TBC1D1: variants seen among roughly 807,000 people sequenced by gnomAD.
TBC1D1 encodes the protein TBC1 domain family member 1, also known as TBC1 (tre-2/USP6, BUB2, cdc16) domain family, member 1.
Under a neutral mutation model 125.6 loss-of-function variants are expected in TBC1D1, and 89 were observed. The ratio of observed to expected loss-of-function variants is 0.71; its 90% CI spans 0.60 to 0.85. The LOEUF is 0.85. Ranked by LOEUF, TBC1D1 falls within the 40% of genes least tolerant of loss-of-function variation. The pLI, the probability that TBC1D1 is intolerant of heterozygous loss-of-function variation, is 0.00. For synonymous variants in TBC1D1, 565 were observed against 564.1 expected (o/e 1.00, Z -0.02); for missense variants, 1,377 against 1,469.2 (o/e 0.94, Z 1.03).
At chr4:37,969,943 T>C (rs1468887530) in intron 2 of TBC1D1, among the ~76,000 whole-genome samples, 4 of 152,314 alleles carry the variant, frequency 2.6e-5, no homozygotes, top group Non-Finnish European at 5.9e-5. Context: ...ACTAGTCTAT[T>C]TTCTGTCTCT....
chr4:37,892,642 G>GT (rs949571780), intron 1 of TBC1D1, among the ~76,000 whole-genome samples: 2 of 152,108 alleles, frequency 1.3e-5, no homozygotes, highest in Non-Finnish European at 2.9e-5. Flanking sequence ...ATTACATTAC[G>GT]TTTTCAAAGG....
chr4:37,971,694 A>G (rs866049409), intron 2 of TBC1D1, among the ~76,000 whole-genome samples: 1 of 152,132 alleles, frequency 6.6e-6, no homozygotes, highest in East Asian at 1.9e-4. Flanking sequence ...TATATATTTT[A>G]AAGTAAAGGA....
intron 12 of TBC1D1, among the ~76,000 whole-genome samples, chr4:38,062,647 G>A (rs1752983077): frequency 9.8e-6 from 1 of 102,074 alleles, no homozygotes; most frequent in Admixed American, 1.6e-4. Flanking sequence ...ACACCCCATT[G>A]TGCTTCTTGG....
intron 7 of TBC1D1, among the ~76,000 whole-genome samples, chr4:38,033,192 G>T (rs1285570580): frequency 6.6e-6 from 1 of 152,074 alleles, no homozygotes; most frequent in Non-Finnish European, 1.5e-5. Flanking sequence ...TATATGATTA[G>T]CCCTTTAAAA....
rs1465114407 is a variant in TBC1D1 at position 38,018,344 on chromosome 4, G to T, written c.883-10G>T. 1.3e-6 allele frequency: 2 copies of T among 1,598,652 alleles called. No individual in the cohort carries two copies. The highest frequency in any genetic ancestry group is 1.8e-5 in the Admixed American group (1 of 57,086). On this transcript the variant is annotated splice_polypyrimidine_tract_variant and intron_variant, in intron 3 of 19. Transcript: ENST00000261439. ...TTTGAAAAGCTAGATTTTTTTGTTT[G>T]TCTTTTAAGATTGGCCAGTCTGAAG...
At chr4:38,033,364 C>T (rs1746562839) in intron 7 of TBC1D1, among the ~76,000 whole-genome samples, 1 of 151,384 alleles carries the variant, frequency 6.6e-6, no homozygotes, top group Non-Finnish European at 1.5e-5. Flanking sequence ...GTCTGTTTCC[C>T]TGGATCATTT....
intron 2 of TBC1D1, among the ~76,000 whole-genome samples, chr4:37,906,005 C>A (rs535850541): frequency 3.3e-5 from 5 of 152,304 alleles, no homozygotes; most frequent in African/African-American, 1.2e-4. Context: ...ATTGTGTAAG[C>A]TGAACCAGCA....
At chr4:38,049,999 C>A in intron 11 of TBC1D1, 101 bp downstream of exon 11, 1 of 1,320,046 alleles carries the variant, frequency 7.6e-7, no homozygotes, top group Non-Finnish European at 1.0e-6. Context: ...AGAAATGAGT[C>A]AGGCTTTACT....
intron 2 of TBC1D1, among the ~76,000 whole-genome samples, chr4:37,959,666 A>T (rs961803871): frequency 4.6e-5 from 7 of 152,242 alleles, no homozygotes; most frequent in Non-Finnish European, 1.0e-4. Flanking sequence ...ATTGAATTGA[A>T]ATGGCTCACT....
At chr4:38,077,486 T>C (rs923015175) in intron 12 of TBC1D1, among the ~76,000 whole-genome samples, 1 of 152,358 alleles carries the variant, frequency 6.6e-6, no homozygotes, top group South Asian at 2.1e-4. Flanking sequence ...GAAACTCTTA[T>C]CAGGATAAAA....
At chr4:37,976,631 A>G (rs1208370820) in intron 2 of TBC1D1, among the ~76,000 whole-genome samples, 1 of 150,928 alleles carries the variant, frequency 6.6e-6, no homozygotes, top group Non-Finnish European at 1.5e-5. Context: ...ATAACACATC[A>G]GCGATTAAAC....
chr4:38,105,763 A>G lies in TBC1D1; in HGVS notation c.2557+2606A>G, dbSNP rs1463222098. 4.6e-5 allele frequency among the ~76,000 whole-genome samples: 7 copies of G among 152,178 alleles called. No homozygotes were observed. The East Asian group carries it at 1.3e-3, about 29-fold the overall frequency. On this transcript the variant is annotated intron_variant, in intron 15 of 19. Coordinates refer to ENST00000261439, the MANE Select transcript of TBC1D1 (RefSeq NM_015173.4). The stretch of plus-strand genomic sequence containing the variant: ...CTGCATCCATGTTGCTGCAAAGGAC[A>G]TGATTTTGTCCCTTTCTATGGCTGC...
At chr4:38,123,907 T>G (rs1163271817) in intron 17 of TBC1D1, among the ~76,000 whole-genome samples, 1 of 152,248 alleles carries the variant, frequency 6.6e-6, no homozygotes, top group Non-Finnish European at 1.5e-5. Flanking sequence ...TCTTTGCTTT[T>G]CTGTTTCTTC....
intron 10 of TBC1D1, among the ~76,000 whole-genome samples, chr4:38,047,475 G>A (rs1749712919): frequency 6.6e-6 from 1 of 152,138 alleles, no homozygotes; most frequent in South Asian, 2.1e-4. Flanking sequence ...AAATCCAGGG[G>A]AACATAGTGT....
At chr4:38,002,122 G>C (rs554830678) in intron 2 of TBC1D1, among the ~76,000 whole-genome samples, 3 of 152,152 alleles carry the variant, frequency 2.0e-5, no homozygotes, top group Non-Finnish European at 2.9e-5. Flanking sequence ...GGAATGTGGG[G>C]TGTGTGATTG....
intron 2 of TBC1D1, among the ~76,000 whole-genome samples, chr4:37,958,318 G>A (rs1729299219): frequency 6.6e-6 from 1 of 152,142 alleles, no homozygotes; most frequent in African/African-American, 2.4e-5. Context: ...CCTTAGCTTG[G>A]CAATCAAGAA....
chr4:38,100,530 A>G lies in TBC1D1; in HGVS notation c.2399-2469A>G, dbSNP rs1002818479. Among the ~76,000 whole-genome samples, 6 of 152,246 alleles carry G rather than the reference A, an allele frequency of 3.9e-5. No individual in the cohort carries two copies. The South Asian group carries it at 8.3e-4, about 21-fold the overall frequency. On this transcript the variant is annotated intron_variant, in intron 14 of 19. Coordinates refer to ENST00000261439, the MANE Select transcript of TBC1D1 (RefSeq NM_015173.4). ...CTCCTCCCAAAGTCCTTACTTAATT[A>G]TATCTGCAAAGAAGGTAACATTCAC...
chr4:37,952,129 A>C (rs1728007118), intron 2 of TBC1D1: 4 of 715,250 alleles, frequency 5.6e-6, no homozygotes, highest in Non-Finnish European at 1.0e-5. Context: ...CAAGGCCTGC[A>C]GTCATGATGA....
chr4:38,024,486 G>T (rs921416333), intron 6 of TBC1D1, among the ~76,000 whole-genome samples: 1 of 152,148 alleles, frequency 6.6e-6, no homozygotes, highest in South Asian at 2.1e-4. Context: ...TTTTGCTGCC[G>T]TCGTTTTGGA....
Sources: allele counts gnomAD v4.1 joint callset (sites outside exome capture counted in the v4.1 genomes callset), GRCh38; gene constraint gnomAD v4.1.1; transcripts MANE v1.5; gene names NCBI Gene and HGNC (gene_info 2026-07-23, HGNC 2026-07-21).